The following PDE1A variants were observed in gnomAD, a reference collection of about 807,000 sequenced individuals.
The protein encoded by PDE1A is dual specificity calcium/calmodulin-dependent 3',5'-cyclic nucleotide phosphodiesterase 1A.
Under a neutral mutation model 61.7 loss-of-function variants are expected in PDE1A, and 35 were observed. That is an observed-to-expected ratio of 0.57 (90% CI 0.43 to 0.75). The LOEUF (loss-of-function observed/expected upper bound fraction) is 0.75. PDE1A is among the 30% of genes least tolerant of loss of function. The pLI is 0.00. For synonymous variants in PDE1A, 232 were observed against 213.2 expected (o/e 1.09, Z -0.77); for missense variants, 597 against 630.6 (o/e 0.95, Z 0.57).
chr2:182,321,432 T>C (rs761900389), intron 1 of PDE1A, among the ~76,000 whole-genome samples: 7 of 152,208 alleles, frequency 4.6e-5, no homozygotes, highest in African/African-American at 7.2e-5. Context: ...AAAAATTAAC[T>C]TTCCTTCCAA....
rs547668496 is a variant in PDE1A, at chr2:182,220,648, A to G, written c.776+3216T>C. On this transcript the variant is annotated intron_variant, in intron 7 of 13. Coordinates refer to ENST00000351439, the Ensembl canonical transcript of PDE1A. ...TTTTCACAAAGAGGAAATTATTTCC[A>G]TTTATTTACACTTTCAAGGATTTCA... Among the ~76,000 whole-genome samples the G allele has an allele frequency of 2.0e-5, 3 of 152,154 alleles. No homozygotes were observed. The South Asian group carries it at 6.2e-4, about 32-fold the overall frequency.
the PDE1A span, among the ~76,000 whole-genome samples, chr2:182,591,528 T>C: frequency 1.3e-5 from 2 of 152,182 alleles, no homozygotes. Context: ...CTGATGGGTC[T>C]AGGCTACGAT....
upstream of PDE1A, among the ~76,000 whole-genome samples, chr2:182,428,060 G>A (rs1252573285): frequency 6.6e-6 from 1 of 152,112 alleles, no homozygotes; most frequent in South Asian, 2.1e-4. Flanking sequence ...AGATAAGGAA[G>A]GAGAAGAGAG....
At chr2:182,486,121 A>G (rs931602772) in intron 2 of PDE1A, among the ~76,000 whole-genome samples, 3 of 151,878 alleles carry the variant, frequency 2.0e-5, no homozygotes, top group Non-Finnish European at 2.9e-5. Context: ...TGCACAATTC[A>G]TGATCAATAT....
the PDE1A span, among the ~76,000 whole-genome samples, chr2:182,684,030 G>A: frequency 6.6e-6 from 1 of 151,780 alleles, no homozygotes; most frequent in Non-Finnish European, 1.5e-5. Flanking sequence ...GGCTGAGGCA[G>A]GGGAATCGCT....
At chr2:182,454,578 C>T (rs199644429) in intron 2 of PDE1A, among the ~76,000 whole-genome samples, 22,485 of 149,788 alleles carry the variant, frequency 0.15, 1,984 homozygotes, top group Middle Eastern at 0.31. Context: ...GAGATATAGA[C>T]CAATGGAACA....
chr2:182,281,535 AG>A (rs1419988288), intron 1 of PDE1A, among the ~76,000 whole-genome samples: 1 of 151,970 alleles, frequency 6.6e-6, no homozygotes, highest in Non-Finnish European at 1.5e-5. Context: ...GCTTCGTGAA[AG>A]AGCCAGCTGC....
chr2:182,475,438 A>AG (rs1687294519), intron 2 of PDE1A, among the ~76,000 whole-genome samples: 1 of 151,976 alleles, frequency 6.6e-6, no homozygotes, highest in African/African-American at 2.4e-5. Flanking sequence ...TATCTCACTG[A>AG]GGGGAATAAA....
chr2:182,311,816 A>G (rs369034970), intron 1 of PDE1A, among the ~76,000 whole-genome samples: 12 of 152,154 alleles, frequency 7.9e-5, no homozygotes, highest in African/African-American at 2.9e-4. Context: ...TGGATTGCAT[A>G]TTAGGTGTAA....
At chr2:182,462,446 T>A (rs1265860226) in intron 2 of PDE1A, among the ~76,000 whole-genome samples, 1 of 152,034 alleles carries the variant, frequency 6.6e-6, no homozygotes. Flanking sequence ...TCTTGGTGTT[T>A]AACAGTCTGT....
chr2:182,291,008 A>G (rs1473496655), intron 1 of PDE1A, among the ~76,000 whole-genome samples: 2 of 152,058 alleles, frequency 1.3e-5, no homozygotes, highest in African/African-American at 2.4e-5. Flanking sequence ...CTAACTCATC[A>G]TGTACAGTTA....
chr2:182,473,380 CTGA>C (rs1687156524), intron 2 of PDE1A, among the ~76,000 whole-genome samples: 1 of 151,948 alleles, frequency 6.6e-6, no homozygotes, highest in South Asian at 2.1e-4. Context: ...ACCCACTCAT[CTGA>C]CAAAGGGCTA....
chr2:182,520,273 C>CT (rs950763646), intron 2 of PDE1A, among the ~76,000 whole-genome samples: 3 of 151,812 alleles, frequency 2.0e-5, no homozygotes, highest in Non-Finnish European at 4.4e-5. Context: ...AATTCTAAGC[C>CT]TTGAACACTG....
intron 3 of PDE1A, among the ~76,000 whole-genome samples, chr2:182,235,079 A>G (rs1689900679): frequency 6.6e-6 from 1 of 152,160 alleles, no homozygotes; most frequent in Non-Finnish European, 1.5e-5. Flanking sequence ...AAAGAAAACA[A>G]TGTTATTTTC....
chr2:182,460,681 G>A (rs919993833), intron 2 of PDE1A, among the ~76,000 whole-genome samples: 7 of 152,122 alleles, frequency 4.6e-5, no homozygotes, highest in South Asian at 2.1e-4. Flanking sequence ...GCATAAACAA[G>A]AGTAACTAAA....
At chr2:182,264,878 C>CATACATATATATATATATAT (rs1553560266) in intron 1 of PDE1A, among the ~76,000 whole-genome samples, 1 of 106,878 alleles carries the variant, frequency 9.4e-6, no homozygotes, top group South Asian at 3.4e-4. Context: ...TATATATATA[C>CATACATATATATATATATAT]ATATATATAT....
chr2:182,307,449 C>CA (rs1695662049), intron 1 of PDE1A, among the ~76,000 whole-genome samples: 1 of 152,098 alleles, frequency 6.6e-6, no homozygotes, highest in Non-Finnish European at 1.5e-5. Context: ...GATGATGCAG[C>CA]AAGAGGTTCC....
At position 182,169,934 on chromosome 2, in the gene PDE1A, A is replaced by T. The variant is rs1008233981; in HGVS notation, c.1517-1644T>A. On this transcript the variant is annotated intron_variant, in intron 13 of 13. Transcript: ENST00000351439. ...CACACACACACACGCACACACACAC[A>T]CACACTCTCCCTCTCTCTCTTTCTC... 2.6e-3 allele frequency among the ~76,000 whole-genome samples: 317 copies of T among 123,124 alleles called. 1 individual carries two copies. The highest frequency in any genetic ancestry group is 8.7e-3 in the African/African-American group (300 of 34,370). The allele number at this position is 123,124 out of a possible 152,430, so 80.8% of individuals were successfully genotyped here.
At chr2:182,366,449 G>A (rs991927) in intron 1 of PDE1A, among the ~76,000 whole-genome samples, 3,680 of 151,934 alleles carry the variant, frequency 0.024, 134 homozygotes, top group African/African-American at 0.082. Flanking sequence ...CTTAAAGTTC[G>A]TCACATAACC....
Sources: allele counts gnomAD v4.1 joint callset (sites outside exome capture counted in the v4.1 genomes callset), GRCh38; gene constraint gnomAD v4.1.1; transcripts MANE v1.5; gene names NCBI Gene and HGNC (gene_info 2026-07-23, HGNC 2026-07-21).